The following ZNF93 variants were observed in gnomAD, a reference collection of about 807,000 sequenced individuals.
ZNF93 encodes zinc finger protein 93, also known as zinc finger protein 505.
In ZNF93, 29 loss-of-function variants were observed where a neutral mutation model predicts 45.0. That is an observed-to-expected ratio of 0.64 (90% CI 0.48 to 0.88). The LOEUF (loss-of-function observed/expected upper bound fraction) is 0.88. Ranked by LOEUF, ZNF93 falls within the 40% of genes least tolerant of loss-of-function variation. ZNF93 has a pLI of 0.00. For synonymous variants in ZNF93, 223 were observed against 244.6 expected (o/e 0.91, Z 0.82); for missense variants, 578 against 724.0 (o/e 0.80, Z 2.31).
chr19:19,934,790 A>G lies in ZNF93; in HGVS notation c.1835A>G (p.Glu612Gly). The change falls in exon 4 of 4, where the codon GAG becomes GGG. Residue 612 changes from glutamate (E) to glycine (G), a missense_variant. Around this residue, in one of 3 missense-constraint regions of ZNF93, gnomAD observed 119 missense variants for 123.1 expected, o/e 0.97. Coordinates refer to ENST00000343769, the MANE Select transcript of ZNF93 (RefSeq NM_031218.4). ...TCACCCTCAAGCCTTAGTAGACATG[A>G]GATAATTCATACTGGGGAGAAACCC... The part of the protein sequence containing the change: ...FISPSSLSRH[E>G]IIHTGEKP 2 of 1,599,404 alleles carry G rather than the reference A, an allele frequency of 1.3e-6. No individual in the cohort carries two copies. Among genetic ancestry groups the G allele is most frequent in the South Asian group, 2.3e-5 (2 of 88,790 alleles).
chr19:19,934,268 C>T lies in ZNF93; in HGVS notation c.1313C>T (p.Ser438Leu), dbSNP rs140716963. 2.5e-4 allele frequency: 404 copies of T among 1,612,898 alleles called. No homozygotes were observed. Among genetic ancestry groups the T allele is most frequent in the Non-Finnish European group, 3.3e-4 (391 of 1,179,978 alleles). Reference sequence around the variant, plus strand: ...TGTGGCAAAGCCTTTGTTGCATCCTCAACCCTTAGTAAACATGAGATCATT... The same window carrying T: ...TGTGGCAAAGCCTTTGTTGCATCCTTAACCCTTAGTAAACATGAGATCATT... ...EECGKAFVASSTLSKHEIIHT... is the reference protein window; with the variant it reads ...EECGKAFVASLTLSKHEIIHT... The change falls in exon 4 of 4, where the codon TCA (serine) becomes TTA (leucine). Residue 438 changes from serine to leucine, a missense_variant. This residue lies in a region of ZNF93 where 446 missense variants were observed against 547.6 expected (regional missense o/e 0.81). Coordinates refer to ENST00000343769, the MANE Select transcript of ZNF93 (RefSeq NM_031218.4).
chr19:19,913,183 C>T (rs1481099472), intron 1 of ZNF93, among the ~76,000 whole-genome samples: 1 of 152,196 alleles, frequency 6.6e-6, no homozygotes, highest in Non-Finnish European at 1.5e-5. Flanking sequence ...CCTCTTCAAA[C>T]ATACAGAATC....
At chr19:19,906,491 T>C (rs1256477872) in intron 1 of ZNF93, among the ~76,000 whole-genome samples, 1 of 152,206 alleles carries the variant, frequency 6.6e-6, no homozygotes, top group African/African-American at 2.4e-5. Context: ...AGGTTGTCTG[T>C]TTACTCAGTT....
chr19:19,904,059 GAAAAAAA>G (rs34703441), intron 1 of ZNF93, among the ~76,000 whole-genome samples: 4 of 113,960 alleles, frequency 3.5e-5, no homozygotes, highest in African/African-American at 9.4e-5. Flanking sequence ...ATTCTGGCTG[GAAAAAAA>G]AAAAAAAAAA....
intron 3 of ZNF93, among the ~76,000 whole-genome samples, chr19:19,919,703 C>T (rs147190383): frequency 0.048 from 7,248 of 152,100 alleles, 350 homozygotes; most frequent in East Asian, 0.17. Flanking sequence ...GTATTTTATT[C>T]TCTTTGAAGC....
At chr19:19,925,914 G>C (rs575779199) in intron 3 of ZNF93, among the ~76,000 whole-genome samples, 1 of 151,922 alleles carries the variant, frequency 6.6e-6, no homozygotes, top group Non-Finnish European at 1.5e-5. Flanking sequence ...AGTAACTCTA[G>C]GTTCTTTTAA....
intron 3 of ZNF93, among the ~76,000 whole-genome samples, chr19:19,925,789 C>T (rs1380010841): frequency 4.0e-5 from 6 of 151,726 alleles, no homozygotes; most frequent in Non-Finnish European, 5.9e-5. Flanking sequence ...AGGGTCTAAC[C>T]CTATTCTGCA....
intron 1 of ZNF93, among the ~76,000 whole-genome samples, chr19:19,904,076 AG>A (rs1337625039): frequency 4.0e-5 from 6 of 150,350 alleles, no homozygotes; most frequent in African/African-American, 1.2e-4. Flanking sequence ...AAAAAAAAAA[AG>A]AAATATTTTA....
intron 3 of ZNF93, among the ~76,000 whole-genome samples, chr19:19,917,452 A>C (rs1330700290): frequency 6.6e-6 from 1 of 151,970 alleles, no homozygotes; most frequent in African/African-American, 2.4e-5. Context: ...TTAATGCTAC[A>C]TTAAATAAGA....
At position 19,916,069 on chromosome 19, in the gene ZNF93, C is replaced by CTTT. The variant is rs769502324; in HGVS notation, c.131-478_131-476dup. ...ACAAATTGGAAGTATTTTCTTTTTC[C>CTTT]TTTTTTTTTTTTTTTGAGACGGAGT... is the stretch of plus-strand genomic sequence containing the variant. On this transcript the variant is annotated intron_variant, in intron 2 of 3. Coordinates refer to ENST00000343769, the MANE Select transcript of ZNF93 (RefSeq NM_031218.4). Among the ~76,000 whole-genome samples, 167 of 138,502 alleles carry CTTT rather than the reference C, an allele frequency of 1.2e-3. 1 individual carries two copies. The highest frequency in any genetic ancestry group is 0.011 in the East Asian group (53 of 4,724). The allele number at this position is 138,502 out of a possible 152,430, so 90.9% of individuals were successfully genotyped here.
intron 1 of ZNF93, chr19:19,908,929 C>A (rs1161645023): frequency 1.3e-5 from 2 of 150,506 alleles, no homozygotes; most frequent in Non-Finnish European, 3.0e-5. Context: ...TTTCAGAAAT[C>A]CTATTAGTAT....
chr19:19,901,783 A>G (rs2063272535), intron 1 of ZNF93, among the ~76,000 whole-genome samples: 1 of 151,880 alleles, frequency 6.6e-6, no homozygotes, highest in South Asian at 2.1e-4. Context: ...AAAAACCGGA[A>G]CTGCGTTAGG....
At chr19:19,923,848 T>G (rs972000048) in intron 3 of ZNF93, among the ~76,000 whole-genome samples, 3 of 152,228 alleles carry the variant, frequency 2.0e-5, no homozygotes, top group Admixed American at 1.3e-4. Flanking sequence ...GAGAATTCCC[T>G]GATCCCTTGC....
At chr19:19,923,428 A>G (rs879425926) in intron 3 of ZNF93, among the ~76,000 whole-genome samples, 13 of 152,186 alleles carry the variant, frequency 8.5e-5, no homozygotes, top group Admixed American at 8.5e-4. Flanking sequence ...TCAGATCTCA[A>G]GCTCCATGCT....
intron 3 of ZNF93, among the ~76,000 whole-genome samples, chr19:19,921,573 G>A (rs1462634712): frequency 6.6e-6 from 1 of 152,148 alleles, no homozygotes; most frequent in Non-Finnish European, 1.5e-5. Flanking sequence ...CTGTGTGGGA[G>A]TCTTAAGTCT....
chr19:19,922,741 G>T (rs1052954095), intron 3 of ZNF93, among the ~76,000 whole-genome samples: 1 of 152,136 alleles, frequency 6.6e-6, no homozygotes, highest in Non-Finnish European at 1.5e-5. Context: ...AGCTACTGAT[G>T]CTTATGCATT....
Position 19,920,176 on chromosome 19 carries a change from G to C in ZNF93, c.226+3521G>C, listed in dbSNP as rs186476092. ...TTAGCATGAAGGGCTGTTGAATTTT[G>C]TCAAAGGCCTTTTCTGCAGCTATTG... On this transcript the variant is annotated intron_variant, in intron 3 of 3. Coordinates refer to ENST00000343769, the MANE Select transcript of ZNF93 (RefSeq NM_031218.4). Among the ~76,000 whole-genome samples the C allele has an allele frequency of 1.8e-4, 28 of 152,212 alleles. No individual in the cohort carries two copies. In the East Asian group the frequency reaches 5.2e-3, roughly 28 times the overall value.
At chr19:19,914,119 C>T (rs2063317296) in intron 1 of ZNF93, among the ~76,000 whole-genome samples, 1 of 152,082 alleles carries the variant, frequency 6.6e-6, no homozygotes, top group South Asian at 2.1e-4. Flanking sequence ...AAAATATTCC[C>T]TTTGTGGCTG....
intron 1 of ZNF93, among the ~76,000 whole-genome samples, chr19:19,903,766 A>G (rs2063283910): frequency 6.6e-6 from 1 of 151,704 alleles, no homozygotes; most frequent in Non-Finnish European, 1.5e-5. Flanking sequence ...TCTGAAAACA[A>G]ACAAACAGAA....
Sources: gnomAD v4.1 joint callset for allele counts (sites outside exome capture counted in the v4.1 genomes callset) on GRCh38, gnomAD v4.1.1 for gene constraint, gnomAD v4.1.1 regional missense constraint, MANE v1.5 for transcripts, NCBI Gene and HGNC (gene_info 2026-07-23, HGNC 2026-07-21) for gene names.